The following TTC6 variants were observed in gnomAD, a reference collection of about 807,000 sequenced individuals.
TTC6 encodes tetratricopeptide repeat domain 6.
Under a neutral mutation model 210.4 loss-of-function variants are expected in TTC6, and 172 were observed. That is an observed-to-expected ratio of 0.82 (90% CI 0.72 to 0.93). The LOEUF (loss-of-function observed/expected upper bound fraction) is 0.93. Ranked by LOEUF, TTC6 falls within the 40% of genes least tolerant of loss-of-function variation. The probability of loss-of-function intolerance (pLI) is 0.00; values close to 1 mark genes in which losing one functional copy is unlikely to be tolerated. For missense variants in TTC6, 2,414 were observed against 2,318.1 expected (o/e 1.04, Z -0.85); for synonymous variants, 804 against 819.6 (o/e 0.98, Z 0.32).
intron 14 of TTC6, among the ~76,000 whole-genome samples, chr14:37,780,254 C>T (rs1199050476): frequency 6.6e-6 from 1 of 152,100 alleles, no homozygotes; most frequent in Non-Finnish European, 1.5e-5. Flanking sequence ...CTTTTAAGTT[C>T]AGGGGTACAT....
chr14:37,769,098 T>G (rs1440881782), intron 14 of TTC6, among the ~76,000 whole-genome samples: 2 of 150,934 alleles, frequency 1.3e-5, no homozygotes, highest in African/African-American at 4.8e-5. Context: ...ATATGCTGGA[T>G]TACATTTATT....
chr14:37,632,993 AG>A (rs1310936141), intron 1 of TTC6, among the ~76,000 whole-genome samples: 12 of 152,324 alleles, frequency 7.9e-5, no homozygotes, highest in African/African-American at 2.6e-4. Flanking sequence ...TGAGTGTCCC[AG>A]GTTGACTTCA....
At chr14:37,651,425 A>ATTTTTT (rs55775703) in intron 1 of TTC6, among the ~76,000 whole-genome samples, 1 of 23,908 alleles carries the variant, frequency 4.2e-5, no homozygotes, top group Non-Finnish European at 7.4e-5. Context: ...ATATATATAT[A>ATTTTTT]TTTTTTTTTT....
intron 14 of TTC6, among the ~76,000 whole-genome samples, chr14:37,780,762 A>T (rs778738082): frequency 6.6e-6 from 1 of 152,030 alleles, no homozygotes; most frequent in Admixed American, 6.5e-5. Context: ...TATTTATCCT[A>T]ATGTTATCCT....
chr14:37,808,764 C>A, exon 24 of TTC6: 1 of 1,517,862 alleles, frequency 6.6e-7, no homozygotes, highest in South Asian at 1.3e-5. Context: ...GATTTAACTA[C>A]AGCTATCAGC....
chr14:37,721,896 A>G, intron 6 of TTC6, among the ~76,000 whole-genome samples: 1 of 144,604 alleles, frequency 6.9e-6, no homozygotes, highest in Admixed American at 6.9e-5. Context: ...ACACACACAC[A>G]TATATACACA....
chr14:37,688,944 A>G (rs1488560785), intron 3 of TTC6, among the ~76,000 whole-genome samples: 2 of 152,178 alleles, frequency 1.3e-5, no homozygotes, highest in African/African-American at 2.4e-5. Context: ...CCAGGAAAAC[A>G]TGACTTCACC....
intron 1 of TTC6, among the ~76,000 whole-genome samples, chr14:37,603,259 T>C (rs760560202): frequency 6.6e-6 from 1 of 152,198 alleles, no homozygotes; most frequent in African/African-American, 2.4e-5. Flanking sequence ...CTCCGTTTCC[T>C]CTTTTCCCAA....
chr14:37,604,332 G>A (rs1434154088), intron 1 of TTC6, among the ~76,000 whole-genome samples: 1 of 152,206 alleles, frequency 6.6e-6, no homozygotes, highest in Non-Finnish European at 1.5e-5. Flanking sequence ...ACTGCATCAA[G>A]TTCACATTAA....
chr14:37,739,662 T>C (rs1163144288), intron 10 of TTC6, among the ~76,000 whole-genome samples: 1 of 151,712 alleles, frequency 6.6e-6, no homozygotes, highest in Admixed American at 6.6e-5. Context: ...CAAATGATAA[T>C]TTAAATAGGG....
chr14:37,833,926 C>T (rs1254623109), intron 29 of TTC6, among the ~76,000 whole-genome samples: 1 of 152,144 alleles, frequency 6.6e-6, no homozygotes. Context: ...GACTATTTCT[C>T]CATCATTTTT....
Position 37,598,131 on chromosome 14 carries a change from C to G in TTC6, c.-235+2123C>G, listed in dbSNP as rs146727963. On this transcript the variant is annotated intron_variant, in intron 1 of 2. Coordinates refer to the TTC6 transcript ENST00000556845. The surrounding 1 kb of genome is among the most constrained non-coding windows in gnomAD (Gnocchi z 4.9). Reference sequence around the variant, plus strand: ...CGGCTGCAGCCTGCTCTTTTCCAACCTCTTTTCCCAAATAGGCACCTACAC... The same window carrying G: ...CGGCTGCAGCCTGCTCTTTTCCAACGTCTTTTCCCAAATAGGCACCTACAC... Among the ~76,000 whole-genome samples, 46 of 152,350 alleles carry G rather than the reference C, an allele frequency of 3.0e-4. No homozygotes were observed. The highest frequency in any genetic ancestry group is 1.0e-3 in the African/African-American group (42 of 41,582).
chr14:37,756,209 A>T (rs1272859035), intron 14 of TTC6, among the ~76,000 whole-genome samples: 1 of 152,236 alleles, frequency 6.6e-6, no homozygotes, highest in Non-Finnish European at 1.5e-5. Context: ...TTGTATCCTA[A>T]GACTGCTGAA....
intron 2 of TTC6, among the ~76,000 whole-genome samples, chr14:37,612,121 C>A (rs2095635796): frequency 6.6e-6 from 1 of 152,082 alleles, no homozygotes; most frequent in South Asian, 2.1e-4. Flanking sequence ...AAGGTACAGG[C>A]ATACAATTTG....
At chr14:37,801,726 C>A (rs1036453353) in intron 20 of TTC6, among the ~76,000 whole-genome samples, 29 of 152,076 alleles carry the variant, frequency 1.9e-4, no homozygotes, top group Admixed American at 1.0e-3. Flanking sequence ...TTGCATCACA[C>A]CAGTCAGAAT....
At chr14:37,780,971 T>G (rs964940607) in intron 14 of TTC6, among the ~76,000 whole-genome samples, 3 of 152,362 alleles carry the variant, frequency 2.0e-5, no homozygotes, top group Middle Eastern at 3.4e-3. Context: ...TCCTTTTGTA[T>G]GGCTGCATAG....
chr14:37,653,851 T>A (rs1477215869), intron 1 of TTC6, among the ~76,000 whole-genome samples: 2 of 152,220 alleles, frequency 1.3e-5, no homozygotes, highest in Non-Finnish European at 2.9e-5. Flanking sequence ...ACACCTTTTT[T>A]ATTTATTTAT....
intron 1 of TTC6, among the ~76,000 whole-genome samples, chr14:37,645,331 T>C (rs965081414): frequency 9.2e-5 from 14 of 152,234 alleles, no homozygotes; most frequent in African/African-American, 3.4e-4. Flanking sequence ...AACACACTTA[T>C]TGGTCTCTAA....
intron 14 of TTC6, among the ~76,000 whole-genome samples, chr14:37,777,723 T>A (rs1282557735): frequency 6.6e-6 from 1 of 152,048 alleles, no homozygotes; most frequent in Non-Finnish European, 1.5e-5. Flanking sequence ...TCTCATCTTT[T>A]TGGGCTGAAG....
Sources: allele counts gnomAD v4.1 joint callset (sites outside exome capture counted in the v4.1 genomes callset), GRCh38; gene constraint gnomAD v4.1.1; non-coding constraint Gnocchi (gnomAD v3.1); transcripts MANE v1.5; gene names NCBI Gene and HGNC (gene_info 2026-07-23, HGNC 2026-07-21).